CCDC33: variants seen among roughly 807,000 people sequenced by gnomAD.
CCDC33 encodes the protein coiled-coil domain-containing protein 33.
CCDC33 carries 94 observed loss-of-function variants against 91.9 expected under a neutral mutation model. The observed-to-expected ratio is 1.02, with a 90% CI of 0.87 to 1.21. The LOEUF (loss-of-function observed/expected upper bound fraction) is 1.21. CCDC33 is among the 50% of genes most tolerant of loss of function. The pLI is 0.00. For missense variants in CCDC33, 940 were observed against 935.5 expected (o/e 1.00, Z -0.06); for synonymous variants, 396 against 374.5 (o/e 1.06, Z -0.66).
At chr15:74,327,939 A>G in intron 11 of CCDC33, among the ~76,000 whole-genome samples, 1 of 152,246 alleles carries the variant, frequency 6.6e-6, no homozygotes, top group East Asian at 1.9e-4. Context: ...CCTGTGGTGC[A>G]GAGACTGAGC....
At chr15:74,333,655 T>G (rs1007403379) in intron 16 of CCDC33, among the ~76,000 whole-genome samples, 5 of 152,192 alleles carry the variant, frequency 3.3e-5, no homozygotes, top group African/African-American at 1.2e-4. Flanking sequence ...GTGTCAAAAC[T>G]TCGTATTCTC....
upstream of CCDC33, among the ~76,000 whole-genome samples, chr15:74,235,476 G>C (rs2075122458): frequency 1.3e-5 from 2 of 152,058 alleles, no homozygotes; most frequent in South Asian, 4.2e-4. Context: ...TAGAAATGAG[G>C]CAGGCCACAG....
intron 2 of CCDC33, among the ~76,000 whole-genome samples, chr15:74,253,884 G>GT (rs573997823): frequency 2.4e-4 from 37 of 152,118 alleles, no homozygotes; most frequent in South Asian, 1.2e-3. Flanking sequence ...TAATTATTAG[G>GT]TTTTTTTAAT....
upstream of CCDC33, among the ~76,000 whole-genome samples, chr15:74,234,904 G>A (rs752091948): frequency 6.6e-6 from 1 of 152,238 alleles, no homozygotes; most frequent in Non-Finnish European, 1.5e-5. Context: ...TGCTTCCTAG[G>A]CACCTGGCTT....
At position 74,310,320 on chromosome 15, in the gene CCDC33, C is replaced by T. The variant is rs191529969; in HGVS notation, c.1290+14372C>T. 8.3e-4 allele frequency among the ~76,000 whole-genome samples: 127 copies of T among 152,174 alleles called. No individual in the cohort carries two copies. In the East Asian group the frequency reaches 0.018, roughly 21 times the overall value. On this transcript the variant is annotated intron_variant, in intron 11 of 18. Coordinates refer to ENST00000398814, the MANE Select transcript of CCDC33 (RefSeq NM_025055.5). ...TTGGAAGGCCGAGGCGGGCAGATCA[C>T]GAGGTCAAGAGATTGAGACCATCCT...
At chr15:74,273,445 T>C (rs549024501) in intron 7 of CCDC33, among the ~76,000 whole-genome samples, 169 of 152,384 alleles carry the variant, frequency 1.1e-3, no homozygotes, top group African/African-American at 4.0e-3. Flanking sequence ...ATGGTGAATG[T>C]TGTGTTACGT....
At chr15:74,278,863 G>A (rs2076517386) in intron 7 of CCDC33, among the ~76,000 whole-genome samples, 2 of 152,168 alleles carry the variant, frequency 1.3e-5, no homozygotes, top group Non-Finnish European at 2.9e-5. Context: ...CCTAACTGCT[G>A]ACCTAGGGTG....
exon 1 of CCDC33, chr15:74,203,032 A>G (rs1595866094): frequency 1.0e-6 from 1 of 985,646 alleles, no homozygotes; most frequent in Non-Finnish European, 1.2e-6. Flanking sequence ...CAGAGCTCCC[A>G]AGCCCCTGCC....
In CCDC33 at chr15:74,210,067, G is replaced by C. The variant is rs549370198; in HGVS notation, n.236+533G>C. Among the ~76,000 whole-genome samples, 661 of 152,300 alleles carry C rather than the reference G, an allele frequency of 4.3e-3. 4 individuals are homozygous for C. The highest frequency in any genetic ancestry group is 7.3e-3 in the Admixed American group (111 of 15,296). The stretch of plus-strand genomic sequence containing the variant: ...CAGGGAGAGAGGGAGAGAGAGAGCA[G>C]CTCAAGCCGAGAAAGGGAAGCAGCC... On this transcript the variant is annotated intron_variant and non_coding_transcript_variant, in intron 2 of 3. Transcript: ENST00000558645.
rs2075171556 is a variant in CCDC33 at position 74,236,752 on chromosome 15, G to A, written c.21+12G>A. 6.2e-7 allele frequency: 1 copy of A among 1,612,440 alleles called. No homozygotes were observed. ...TGAAAAACAAAAAGGTAAGGCCAGG[G>A]GCATGGGCCATGCACCTGCATGAAT... On this transcript the variant is annotated intron_variant, in intron 1 of 18. Coordinates refer to ENST00000398814, the MANE Select transcript of CCDC33 (RefSeq NM_025055.5).
intron 11 of CCDC33, among the ~76,000 whole-genome samples, chr15:74,324,653 CA>C (rs1415349054): frequency 6.6e-6 from 1 of 151,810 alleles, no homozygotes; most frequent in African/African-American, 2.4e-5. Flanking sequence ...GCTCCCTTCC[CA>C]AGGCTCCAAT....
rs1408139108 is a variant in CCDC33, at chr15:74,244,212, A to G, written c.185+64A>G. ...GGGCTGTGAGCAGAAACCAGGGGAC[A>G]GCTATTTGGAATACTAGCACCCAAA... is the stretch of plus-strand genomic sequence containing the variant. On this transcript the variant is annotated intron_variant, in intron 2 of 18. Coordinates refer to ENST00000398814, the MANE Select transcript of CCDC33 (RefSeq NM_025055.5). This position sits in a 1 kb window ranked among gnomAD's most constrained non-coding sequence, Gnocchi z 4.2. 5 of 1,548,616 alleles carry G rather than the reference A, an allele frequency of 3.2e-6. No homozygotes were observed. The African/African-American group carries it at 6.8e-5, about 21-fold the overall frequency.
chr15:74,285,156 G>A (rs351206), intron 10 of CCDC33, among the ~76,000 whole-genome samples: 6,094 of 151,944 alleles, frequency 0.04, 392 homozygotes, highest in African/African-American at 0.14. Context: ...ATGAATGCGC[G>A]TGCCGTATTT....
At chr15:74,304,200 TGA>T (rs2059848756) in intron 11 of CCDC33, 1 of 152,252 alleles carries the variant, frequency 6.6e-6, no homozygotes, top group Non-Finnish European at 1.5e-5. Flanking sequence ...GTCCACCTCT[TGA>T]GACTATGGGG....
chr15:74,223,796 A>ACACAC (rs57838267), intron 2 of CCDC33, among the ~76,000 whole-genome samples: 1 of 139,554 alleles, frequency 7.2e-6, no homozygotes, highest in Non-Finnish European at 1.6e-5. Context: ...ACACACACAC[A>ACACAC]GCAGACAGCA....
chr15:74,330,121 T>C, intron 11 of CCDC33, 68 bp from the exon 12 acceptor site: 1 of 1,504,190 alleles, frequency 6.6e-7, no homozygotes, highest in Non-Finnish European at 8.9e-7. Context: ...CTTTCAAGTG[T>C]AGATGTGGAT....
At chr15:74,203,486 C>T (rs534630663) in intron 1 of CCDC33, among the ~76,000 whole-genome samples, 114 of 152,330 alleles carry the variant, frequency 7.5e-4, no homozygotes, top group South Asian at 2.3e-3. Context: ...GGCCACTGTC[C>T]CTGGTGGAGG....
chr15:74,260,422 CT>C (rs1459888486), intron 2 of CCDC33, among the ~76,000 whole-genome samples: 2 of 152,216 alleles, frequency 1.3e-5, no homozygotes, highest in African/African-American at 4.8e-5. Context: ...CTCACCCCAG[CT>C]TGTACTCAGT....
intron 2 of CCDC33, among the ~76,000 whole-genome samples, chr15:74,224,839 G>A (rs931880776): frequency 1.2e-4 from 19 of 152,160 alleles, no homozygotes; most frequent in African/African-American, 4.1e-4. Context: ...GGATGTGTCT[G>A]GGCCTTGGTT....
Sources: gnomAD v4.1 joint callset for allele counts (sites outside exome capture counted in the v4.1 genomes callset) on GRCh38, gnomAD v4.1.1 for gene constraint, Gnocchi (gnomAD v3.1) non-coding constraint, MANE v1.5 for transcripts, NCBI Gene and HGNC (gene_info 2026-07-23, HGNC 2026-07-21) for gene names.